The following TMEM132B variants were observed in gnomAD, a reference collection of about 807,000 sequenced individuals.
TMEM132B encodes transmembrane protein 132B.
TMEM132B carries 18 observed loss-of-function variants against 90.8 expected under a neutral mutation model. The ratio of observed to expected loss-of-function variants is 0.20; its 90% CI spans 0.14 to 0.29. TMEM132B has a LOEUF of 0.29. Ranked by LOEUF, TMEM132B falls within the 10% of genes least tolerant of loss-of-function variation. TMEM132B has a pLI of 1.00. For missense variants in TMEM132B, 1,096 were observed against 1,326.8 expected (o/e 0.83, Z 2.70); for synonymous variants, 504 against 523.3 (o/e 0.96, Z 0.50).
At chr12:125,253,392 C>T (rs1565984465) in intron 1 of TMEM132B, among the ~76,000 whole-genome samples, 2 of 151,292 alleles carry the variant, frequency 1.3e-5, no homozygotes, top group Non-Finnish European at 2.9e-5. Context: ...GTGCTGAGAA[C>T]ATTTCATACA....
At chr12:125,374,505 G>A (rs1014196865) in intron 2 of TMEM132B, among the ~76,000 whole-genome samples, 3 of 151,982 alleles carry the variant, frequency 2.0e-5, no homozygotes, top group African/African-American at 7.3e-5. Context: ...AGTCCCTTGA[G>A]TCCTGGATGT....
intron 1 of TMEM132B, among the ~76,000 whole-genome samples, chr12:125,305,927 G>A (rs1357421542): frequency 6.6e-6 from 1 of 152,228 alleles, no homozygotes; most frequent in Non-Finnish European, 1.5e-5. Context: ...TCCTTGTAAT[G>A]AGCTTTTTGG....
At chr12:125,199,083 G>C (rs1281775468) in intron 1 of TMEM132B, among the ~76,000 whole-genome samples, 1 of 152,274 alleles carries the variant, frequency 6.6e-6, no homozygotes, top group African/African-American at 2.4e-5. Context: ...TGAAGCAGGT[G>C]TGTGTGCTGT....
At chr12:125,216,961 G>A (rs746526854) in intron 1 of TMEM132B, among the ~76,000 whole-genome samples, 4 of 152,340 alleles carry the variant, frequency 2.6e-5, no homozygotes, top group East Asian at 1.9e-4. Flanking sequence ...AGCTGGAGCC[G>A]TCAGGCCCTG....
At chr12:125,376,754 G>A (rs1350330681) in intron 2 of TMEM132B, among the ~76,000 whole-genome samples, 1 of 152,238 alleles carries the variant, frequency 6.6e-6, no homozygotes, top group Non-Finnish European at 1.5e-5. Flanking sequence ...CACTGTCTAA[G>A]GGGGAGCTGA....
intron 5 of TMEM132B, among the ~76,000 whole-genome samples, chr12:125,621,204 TG>T (rs1168091926): frequency 6.6e-6 from 1 of 151,906 alleles, no homozygotes; most frequent in Non-Finnish European, 1.5e-5. Context: ...AAAAGTAAAA[TG>T]GGGGCACATG....
At chr12:125,348,861 CATCCTTGTAG>C (rs1877456013) in intron 1 of TMEM132B, among the ~76,000 whole-genome samples, 2 of 152,328 alleles carry the variant, frequency 1.3e-5, no homozygotes, top group South Asian at 4.1e-4. Context: ...GTGTGGTGAA[CATCCTTGTAG>C]ATAGATAAGC....
intron 5 of TMEM132B, chr12:125,584,985 G>A (rs931028334): frequency 6.6e-6 from 1 of 152,182 alleles, no homozygotes; most frequent in Middle Eastern, 3.2e-3. Context: ...GAGGTTACAT[G>A]AAACTTGGTC....
chr12:125,423,275 C>T (rs924483426), intron 3 of TMEM132B, among the ~76,000 whole-genome samples: 15 of 152,296 alleles, frequency 9.8e-5, no homozygotes, highest in African/African-American at 3.1e-4. Context: ...GATTTACAGT[C>T]ACACTTGCCA....
intron 2 of TMEM132B, among the ~76,000 whole-genome samples, chr12:125,384,833 G>A (rs1331671372): frequency 6.6e-6 from 1 of 152,176 alleles, no homozygotes. Context: ...TGTGTTTTTA[G>A]TAGAAATGGG....
At chr12:125,229,957 CAGG>C (rs1318862591) in intron 1 of TMEM132B, among the ~76,000 whole-genome samples, 2 of 152,212 alleles carry the variant, frequency 1.3e-5, no homozygotes, top group African/African-American at 4.8e-5. Context: ...TTATTGTGCT[CAGG>C]AGGATAGAAA....
chr12:125,220,695 G>A (rs374190644), intron 1 of TMEM132B, among the ~76,000 whole-genome samples: 149 of 152,336 alleles, frequency 9.8e-4, no homozygotes, highest in African/African-American at 3.3e-3. Context: ...TGGGGCTGCG[G>A]CAGCCTCTTA....
intron 5 of TMEM132B, among the ~76,000 whole-genome samples, chr12:125,623,370 T>C (rs1886158360): frequency 6.6e-6 from 1 of 152,180 alleles, no homozygotes; most frequent in African/African-American, 2.4e-5. Flanking sequence ...AACACTTGAC[T>C]ATAAAGGTAG....
intron 3 of TMEM132B, among the ~76,000 whole-genome samples, chr12:125,431,450 T>G (rs56027585): frequency 0.013 from 1,948 of 152,266 alleles, 40 homozygotes; most frequent in African/African-American, 0.044. Flanking sequence ...TGGAAGGCTT[T>G]GAGCATGGGC....
intron 1 of TMEM132B, chr12:125,326,823 C>T (rs559705316): frequency 2.6e-6 from 2 of 770,968 alleles, no homozygotes; most frequent in South Asian, 1.9e-5. Context: ...TTCCTCTTGT[C>T]CTGCTCACTC....
intron 3 of TMEM132B, among the ~76,000 whole-genome samples, chr12:125,484,662 G>T (rs1471156904): frequency 6.6e-6 from 1 of 152,044 alleles, no homozygotes; most frequent in Non-Finnish European, 1.5e-5. Context: ...ACAGGGTCTT[G>T]CTTTGTCACC....
chr12:125,269,684 T>C (rs950333110), intron 1 of TMEM132B, among the ~76,000 whole-genome samples: 3 of 152,208 alleles, frequency 2.0e-5, no homozygotes, highest in Non-Finnish European at 4.4e-5. Flanking sequence ...GACTGATCAC[T>C]TAAATCCTAT....
At chr12:125,567,237 C>T (rs527715643) in intron 4 of TMEM132B, among the ~76,000 whole-genome samples, 1 of 152,254 alleles carries the variant, frequency 6.6e-6, no homozygotes, top group Non-Finnish European at 1.5e-5. Flanking sequence ...GCCCTCTGCC[C>T]TTTTCTCAAT....
At chr12:125,626,780 G>A (rs1261299769) in intron 5 of TMEM132B, among the ~76,000 whole-genome samples, 5 of 152,042 alleles carry the variant, frequency 3.3e-5, no homozygotes, top group Non-Finnish European at 7.4e-5. Context: ...TGTTTGTTTT[G>A]TTTATAATTG....
Sources: gnomAD v4.1 joint callset for allele counts (sites outside exome capture counted in the v4.1 genomes callset) on GRCh38, gnomAD v4.1.1 for gene constraint, MANE v1.5 for transcripts, NCBI Gene and HGNC (gene_info 2026-07-23, HGNC 2026-07-21) for gene names.